Variants in AARS2 observed in about 807,000 individuals in gnomAD.
AARS2 encodes alanine--tRNA ligase, mitochondrial.
Under a neutral mutation model 119.7 loss-of-function variants are expected in AARS2, and 78 were observed. The ratio of observed to expected loss-of-function variants is 0.65; its 90% confidence interval spans 0.54 to 0.79. AARS2 has a LOEUF of 0.79. Among genes scored for constraint, AARS2 ranks in the 30% least tolerant of loss-of-function variants. The pLI, the probability that AARS2 is intolerant of heterozygous loss-of-function variation, is 0.00. For synonymous variants in AARS2, 502 were observed against 526.3 expected (o/e 0.95, Z 0.63); for missense variants, 1,157 against 1,291.3 (o/e 0.90, Z 1.59).
At position 44,305,884 on chromosome 6, in the gene AARS2, C is replaced by T. The variant is rs867179559; in HGVS notation, c.1301-98G>A. 24 of 1,439,726 alleles carry T rather than the reference C, an allele frequency of 1.7e-5. No individual in the cohort carries two copies. The Middle Eastern group carries it at 1.9e-3, about 112-fold the overall frequency. 89.2% of individuals were successfully genotyped at this position (1,439,726 alleles called of 1,614,324 possible). On this transcript the variant is annotated intron_variant, in intron 9 of 21. Transcript: ENST00000244571. The surrounding 1 kb of genome is among the most constrained non-coding windows in gnomAD (Gnocchi z 4.6). Reference sequence around the variant, plus strand: ...AGGGCCCTTCTAACCACGCAGAAGCCACCAGATGCCAAACACAAATACCCG... The same window carrying T: ...AGGGCCCTTCTAACCACGCAGAAGCTACCAGATGCCAAACACAAATACCCG...
rs575663963 is a variant in AARS2, at chr6:44,305,875, C to G, written c.1301-89G>C. ...ATAAGGTCCAGGGCCCTTCTAACCA[C>G]GCAGAAGCCACCAGATGCCAAACAC... On this transcript the variant is annotated intron_variant, in intron 9 of 21. Coordinates refer to ENST00000244571, the MANE Select transcript of AARS2 (RefSeq NM_020745.4). This position sits in a 1 kb window ranked among gnomAD's most constrained non-coding sequence, Gnocchi z 4.6. The G allele has an allele frequency of 1.3e-6, 2 of 1,511,216 alleles. No homozygotes were observed. The highest frequency in any genetic ancestry group is 3.4e-5 in the Admixed American group (2 of 58,126). The allele number at this position is 1,511,216 out of a possible 1,614,324, so 93.6% of individuals were successfully genotyped here.
At chr6:44,309,016 T>G (rs1455030615) in intron 5 of AARS2, among the ~76,000 whole-genome samples, 1 of 152,224 alleles carries the variant, frequency 6.6e-6, no homozygotes, top group East Asian at 1.9e-4. Flanking sequence ...GGCCCTTTCC[T>G]AGGCATATGC....
Position 44,302,132 on chromosome 6 carries a change from C to G in AARS2, c.2526G>C (p.Arg842=). The G allele has an allele frequency of 6.2e-7, 1 of 1,613,870 alleles. No individual in the cohort carries two copies. The highest frequency in any genetic ancestry group is 8.5e-7 in the Non-Finnish European group (1 of 1,180,032). Residue 842 remains arginine (R), a synonymous_variant, in exon 19 of 22, where the codon CGG becomes CGC. Coordinates refer to ENST00000244571, the MANE Select transcript of AARS2 (RefSeq NM_020745.4). ...GCATCTTCACTGTGGCCAGCAGCTC[C>G]CGCCGCTGCCACTGGGGCATCACAG... The part of the protein sequence containing the change: ...ETAVMPQWQR[R]ELLATVKMLQ...
At chr6:44,309,846 G>C (rs983735178) in intron 5 of AARS2, among the ~76,000 whole-genome samples, 10 of 152,002 alleles carry the variant, frequency 6.6e-5, no homozygotes, top group African/African-American at 2.2e-4. Flanking sequence ...CATCTTCTTG[G>C]TGAGCCTTCC....
In AARS2 at chr6:44,307,366, C is replaced by A. The variant is rs368473952; in HGVS notation, c.923G>T (p.Arg308Leu). 6.2e-7 allele frequency: 1 copy of A among 1,608,974 alleles called. No homozygotes were observed. Reference sequence around the variant, plus strand: ...GCGCCCCTCGTCTGCCACCCCTACTCGGCCCAAGTAAGGGGGTGCCCTGCA... The same window carrying A: ...GCGCCCCTCGTCTGCCACCCCTACTAGGCCCAAGTAAGGGGGTGCCCTGCA... ...QGCRAPPYLG[R>L]VGVADEGRTD... The change falls in exon 6 of 22, where the codon CGA becomes CTA. Residue 308 changes from arginine (R) to leucine (L), a missense_variant. Coordinates refer to ENST00000244571, the MANE Select transcript of AARS2 (RefSeq NM_020745.4). This position sits in a 1 kb window ranked among gnomAD's most constrained non-coding sequence, Gnocchi z 4.4.
Position 44,301,227 on chromosome 6 carries a change from G to T in AARS2, c.2722C>A (p.Pro908Thr), listed in dbSNP as rs202149382. ...CTGAGTAGGAGCACAGACGTGCTGG[G>T]GGCCTGCTCACACAGCTGCCGTACC... Reference protein sequence around the residue: ...KVVRQLCEQAPSTSVLLLSPQ... With the variant: ...KVVRQLCEQATSTSVLLLSPQ... The change falls in exon 21 of 22, where the codon CCC (proline) becomes ACC (threonine). Residue 908 changes from proline (P) to threonine (T), a missense_variant. Coordinates refer to ENST00000244571, the MANE Select transcript of AARS2 (RefSeq NM_020745.4). 3.7e-6 allele frequency: 6 copies of T among 1,613,654 alleles called. No homozygotes were observed. In the South Asian group the frequency reaches 4.4e-5, roughly 12 times the overall value.
At position 44,300,317 on chromosome 6, in the gene AARS2, G is replaced by C; in HGVS notation, c.*230C>G. ...CTAATGTGCAGTCACAGCCATAATT[G>C]TCCATGTCTTCTCTTTCACCAAGGG... On this transcript the variant is annotated 3_prime_UTR_variant, in exon 22 of 22. Coordinates refer to ENST00000244571, the MANE Select transcript of AARS2 (RefSeq NM_020745.4). 1 of 606,470 alleles carries C rather than the reference G, an allele frequency of 1.6e-6. No individual in the cohort carries two copies. The highest frequency in any genetic ancestry group is 2.9e-6 in the Non-Finnish European group (1 of 342,526). The allele number at this position is 606,470 out of a possible 1,614,324, so 37.6% of individuals were successfully genotyped here. A position where few individuals can be genotyped will look rare whatever the true frequency, so the allele number is the denominator to read the frequency against.
In AARS2 at chr6:44,302,468, T is replaced by C. The variant is rs1461252744; in HGVS notation, c.2410A>G (p.Thr804Ala). 22 of 1,614,152 alleles carry C rather than the reference T, an allele frequency of 1.4e-5. No homozygotes were observed. The highest frequency in any genetic ancestry group is 1.8e-5 in the Non-Finnish European group (21 of 1,180,012). ...CGGCTCCCCAGACTCAGCCGCTCAG[T>C]GGCCGCTTTCACTTCCTGGGCCAGG... The part of the protein sequence containing the change: ...QSLAQEVKAA[T>A]ERLSLGSRDV... The change falls in exon 18 of 22, where the codon ACT becomes GCT. Residue 804 changes from threonine to alanine, a missense_variant. Thr to Ala is a moderately conservative substitution (Grantham distance 58). Coordinates refer to ENST00000244571, the MANE Select transcript of AARS2 (RefSeq NM_020745.4).
chr6:44,307,276 C>A lies in AARS2; in HGVS notation c.1013G>T (p.Gly338Val). ...GGGACCTGACATCCCAGGGAAGATG[C>A]CATCAGAGATGCAGACACTGAGTGT... is the stretch of plus-strand genomic sequence containing the variant. ...IRTLSVCISDGIFPGMSGPPL... is the reference protein window; with the variant it reads ...IRTLSVCISDVIFPGMSGPPL... The change falls in exon 6 of 22, where the codon GGC (glycine) becomes GTC (valine). Residue 338 changes from glycine to valine, a missense_variant. By Grantham distance (109) the Gly-to-Val change is moderately radical. Coordinates refer to ENST00000244571, the MANE Select transcript of AARS2 (RefSeq NM_020745.4). The surrounding 1 kb of genome is among the most constrained non-coding windows in gnomAD (Gnocchi z 4.4). 1 of 1,613,894 alleles carries A rather than the reference C, an allele frequency of 6.2e-7. No individual in the cohort carries two copies. Among genetic ancestry groups the A allele is most frequent in the Non-Finnish European group, 8.5e-7 (1 of 1,179,950 alleles).
chr6:44,308,618 G>T (rs1451799975), intron 5 of AARS2, among the ~76,000 whole-genome samples: 2 of 151,048 alleles, frequency 1.3e-5, no homozygotes, highest in Non-Finnish European at 2.9e-5. Flanking sequence ...TATTTTTTTT[G>T]AGATGAACTC....
At position 44,303,439 on chromosome 6, in the gene AARS2, GGAAATGGA is replaced by G; in HGVS notation, c.2008-24_2008-17del. ...TCAATGGGGTCTGGAGGGGTGGGGA[GGAAATGGA>G]AAGACCAACATGCAGTCAGCCCCAC... is the stretch of plus-strand genomic sequence containing the variant. On this transcript the variant is annotated splice_polypyrimidine_tract_variant and intron_variant, in intron 14 of 21. Coordinates refer to ENST00000244571, the MANE Select transcript of AARS2 (RefSeq NM_020745.4). The G allele has an allele frequency of 6.2e-7, 1 of 1,613,850 alleles. No homozygotes were observed.
Position 44,305,726 on chromosome 6 carries a change from T to G in AARS2, c.1361A>C (p.Glu454Ala). The change falls in exon 10 of 22, where the codon GAG becomes GCG. Residue 454 changes from glutamate (E) to alanine (A), a missense_variant. Physicochemically the swap from Glu to Ala is moderately radical, Grantham distance 107. Coordinates refer to ENST00000244571, the MANE Select transcript of AARS2 (RefSeq NM_020745.4). The surrounding 1 kb of genome is among the most constrained non-coding windows in gnomAD (Gnocchi z 4.6). Reference protein sequence around the residue: ...GDLGLPLDMVELMLEEKGVQL... With the variant: ...GDLGLPLDMVALMLEEKGVQL... ...GACCCCTTTCTCCTCCAGCATCAGC[T>G]CTACCATGTCCAAGGGGAGTCCCAG... 1 of 1,614,052 alleles carries G rather than the reference T, an allele frequency of 6.2e-7. No individual in the cohort carries two copies. The highest frequency in any genetic ancestry group is 8.5e-7 in the Non-Finnish European group (1 of 1,180,000).
At position 44,310,367 on chromosome 6, in the gene AARS2, C is replaced by T. The variant is rs200845283; in HGVS notation, c.826G>A (p.Val276Met). The change falls in exon 5 of 22, where the codon GTG becomes ATG. Residue 276 changes from valine (V) to methionine (M), a missense_variant. Val to Met is a conservative substitution (Grantham distance 21). Transcript: ENST00000244571. ...TAGGTGGAGTGTTTGCCTTGCAGCA[C>T]AGCCACCAGCCTTTCCAGGCCCATT... The part of the protein sequence containing the change: ...TGMGLERLVA[V>M]LQGKHSTYDT... The T allele has an allele frequency of 3.7e-6, 6 of 1,614,072 alleles. No individual in the cohort carries two copies. Among genetic ancestry groups the T allele is most frequent in the East Asian group, 2.2e-5 (1 of 44,892 alleles).
chr6:44,303,521 C>G, intron 14 of AARS2, 98 bp from the exon 15 acceptor site: 2 of 1,577,146 alleles, frequency 1.3e-6, no homozygotes, highest in Non-Finnish European at 1.7e-6. Flanking sequence ...TGAGCTATCC[C>G]CAGGTTCTAG....
intron 19 of AARS2, 44 bp downstream of exon 19, chr6:44,302,016 T>A (rs759846322): frequency 6.3e-7 from 1 of 1,596,550 alleles, no homozygotes; most frequent in Non-Finnish European, 8.6e-7. Flanking sequence ...GTGTATCTGC[T>A]GGAGTGTCTC....
rs1213918889 is a variant in AARS2 at position 44,300,189 on chromosome 6, C to A, written c.*358G>T. On this transcript the variant is annotated 3_prime_UTR_variant, in exon 22 of 22. Transcript: ENST00000244571. ...AGAGATGGGGTTTCACCATGTTAGC[C>A]AGGATGGTTTTGATCTCCTGACCTC... 1.6e-5 allele frequency: 5 copies of A among 314,536 alleles called. No homozygotes were observed. The highest frequency in any genetic ancestry group is 2.5e-5 in the Non-Finnish European group (4 of 161,712). 19.5% of individuals were successfully genotyped at this position (314,536 alleles called of 1,614,324 possible). A position where few individuals can be genotyped will look rare whatever the true frequency, so the allele number is the denominator to read the frequency against.
Position 44,310,328 on chromosome 6 carries a change from A to G in AARS2, c.865T>C (p.Phe289Leu). 1 of 1,610,390 alleles carries G rather than the reference A, an allele frequency of 6.2e-7. No homozygotes were observed. Among genetic ancestry groups the G allele is most frequent in the Non-Finnish European group, 8.5e-7 (1 of 1,178,296 alleles). ...GKHSTYDTDLFSPLLNAIQQG... is the reference protein window; with the variant it reads ...GKHSTYDTDLLSPLLNAIQQG... ...TGTATGGCGTTGAGCAGCGGGGAAA[A>G]GAGGTCAGTGTCATAGGTGGAGTGT... Residue 289 changes from phenylalanine to leucine, a missense_variant, in exon 5 of 22, where the codon TTT (phenylalanine) becomes CTT (leucine). Coordinates refer to ENST00000244571, the MANE Select transcript of AARS2 (RefSeq NM_020745.4).
In AARS2 at chr6:44,303,338, T is replaced by G. The variant is rs748786302; in HGVS notation, c.2093A>C (p.Glu698Ala). ...VGQDEAVYME[E>A]VPLALTAQVP... The stretch of plus-strand genomic sequence containing the variant: ...CTGGGCAGTGAGCGCCAGGGGCACC[T>G]CCTCCATGTACACAGCCTCATCCTG... Residue 698 changes from glutamate (E) to alanine (A), a missense_variant, in exon 15 of 22, where the codon GAG (glutamate) becomes GCG (alanine). Physicochemically the swap from Glu to Ala is moderately radical, Grantham distance 107. Transcript: ENST00000244571. The G allele has an allele frequency of 4.3e-6, 7 of 1,613,856 alleles. No homozygotes were observed. The African/African-American group carries it at 9.3e-5, about 22-fold the overall frequency.
chr6:44,302,735 C>T, intron 17 of AARS2, 67 bp downstream of exon 17: 2 of 1,523,518 alleles, frequency 1.3e-6, no homozygotes, highest in Non-Finnish European at 9.0e-7. Context: ...TGAGCCTGAG[C>T]ATGTCACCTG....
Sources: gnomAD v4.1 joint callset for allele counts (sites outside exome capture counted in the v4.1 genomes callset) on GRCh38, gnomAD v4.1.1 for gene constraint, Gnocchi (gnomAD v3.1) non-coding constraint, MANE v1.5 for transcripts, NCBI Gene and HGNC (gene_info 2026-07-23, HGNC 2026-07-21) for gene names.